The following CAPN5 variants were observed in gnomAD, a reference collection of about 807,000 sequenced individuals.
The protein encoded by CAPN5 is calpain 5.
Under a neutral mutation model 73.0 loss-of-function variants are expected in CAPN5, and 54 were observed. The observed-to-expected ratio is 0.74, with a 90% CI of 0.59 to 0.93. The LOEUF is 0.93. CAPN5 is among the 40% of genes least tolerant of loss of function. CAPN5 has a pLI of 0.00. For missense variants in CAPN5, 785 were observed against 882.9 expected, an observed-to-expected ratio of 0.89 and a Z score of 1.41; for synonymous variants, 335 against 356.9, an observed-to-expected ratio of 0.94 and a Z score of 0.69.
rs921115527 is a variant in CAPN5 at position 77,125,683 on chromosome 11, G to A, written c.*1813G>A. On this transcript the variant is annotated 3_prime_UTR_variant, in exon 13 of 13. Transcript: ENST00000648180. ...CTTCTCGATGTCTATTTCAAATCAA[G>A]GCTCCTGAGTAGGGGGTGAAGTGAG... 14 of 150,912 alleles carry A rather than the reference G, an allele frequency of 9.3e-5. No homozygotes were observed. Among genetic ancestry groups the A allele is most frequent in the African/African-American group, 3.4e-4 (14 of 40,812 alleles). 9.3% of individuals were successfully genotyped at this position (150,912 alleles called of 1,614,324 possible).
chr11:77,087,949 G>C, intron 2 of CAPN5: 2 of 1,536,074 alleles, frequency 1.3e-6, no homozygotes, highest in Non-Finnish European at 1.7e-6. Flanking sequence ...CAGTACAGTG[G>C]CCATTCGCTG....
Position 77,118,304 on chromosome 11 carries a change from C to T in CAPN5, c.1119C>T (p.Arg373=), listed in dbSNP as rs776483406. The change falls in exon 8 of 13, where the codon CGC becomes CGT. Residue 373 remains arginine, a synonymous_variant. Transcript: ENST00000648180. ...TGCATGAGGACCCGCGACAGAACCGCGGTGGCGGCTGCATCAACCACAAGG... is the reference window on the plus strand; with the variant it reads ...TGCATGAGGACCCGCGACAGAACCGTGGTGGCGGCTGCATCAACCACAAGG... The part of the protein sequence containing the change: ...WTLHEDPRQN[R]GGGCINHKDT... 2.5e-5 allele frequency: 40 copies of T among 1,611,176 alleles called. No homozygotes were observed. Among genetic ancestry groups the T allele is most frequent in the African/African-American group, 5.3e-5 (4 of 74,890 alleles).
chr11:77,101,982 G>T (rs1950289710), intron 3 of CAPN5, among the ~76,000 whole-genome samples: 1 of 152,242 alleles, frequency 6.6e-6, no homozygotes, highest in Non-Finnish European at 1.5e-5. Context: ...CTGCGGCACA[G>T]CCAGCCATCA....
chr11:77,067,926 T>C (rs1206986998), intron 1 of CAPN5, among the ~76,000 whole-genome samples: 1 of 152,082 alleles, frequency 6.6e-6, no homozygotes, highest in Admixed American at 6.5e-5. Flanking sequence ...CCTCTCAGGA[T>C]TGCTGAGCCA....
intron 3 of CAPN5, among the ~76,000 whole-genome samples, chr11:77,098,280 G>A (rs1950236698): frequency 2.0e-5 from 2 of 99,412 alleles, no homozygotes; most frequent in African/African-American, 8.6e-5. Flanking sequence ...GCGGGGGGCT[G>A]ACCCCCCCAC....
intron 4 of CAPN5, 28 bp downstream of exon 4, chr11:77,112,825 G>A: frequency 1.2e-6 from 2 of 1,608,076 alleles, no homozygotes; most frequent in South Asian, 1.1e-5. Flanking sequence ...GCAGGTGGGT[G>A]GGAGGCCCAG....
chr11:77,121,048 C>G, intron 10 of CAPN5, 139 bp downstream of exon 10: 1 of 719,648 alleles, frequency 1.4e-6, no homozygotes, highest in Middle Eastern at 2.6e-4. Context: ...CCATCTCCTT[C>G]CCTTCTCTTC....
intron 2 of CAPN5, among the ~76,000 whole-genome samples, chr11:77,090,523 C>T (rs920106020): frequency 1.3e-5 from 2 of 152,196 alleles, no homozygotes; most frequent in Admixed American, 6.5e-5. Flanking sequence ...CCATCGGATC[C>T]GTCCACTTAC....
chr11:77,075,272 C>A (rs1949957331), intron 1 of CAPN5, among the ~76,000 whole-genome samples: 1 of 152,124 alleles, frequency 6.6e-6, no homozygotes, highest in Admixed American at 6.5e-5. Flanking sequence ...TAGGGATGGT[C>A]TCTGGCTGGC....
At chr11:77,081,648 G>C (rs1392746344) in intron 1 of CAPN5, among the ~76,000 whole-genome samples, 1 of 152,194 alleles carries the variant, frequency 6.6e-6, no homozygotes, top group African/African-American at 2.4e-5. Flanking sequence ...GCAGACCAGT[G>C]AGGTAATGCG....
In CAPN5 at chr11:77,093,440, A is replaced by G. The variant is rs76998372; in HGVS notation, c.166-242A>G. On this transcript the variant is annotated intron_variant, in intron 2 of 12. Coordinates refer to ENST00000648180, the MANE Select transcript of CAPN5 (RefSeq NM_004055.5). Reference sequence around the variant, plus strand: ...TCTTCATCAGCAAACCTTTAGCGGAAGAGCACTCTCTGGCCAGGAAGGGGA... The same window carrying G: ...TCTTCATCAGCAAACCTTTAGCGGAGGAGCACTCTCTGGCCAGGAAGGGGA... 5.9e-4 allele frequency among the ~76,000 whole-genome samples: 90 copies of G among 152,314 alleles called. No individual in the cohort carries two copies. In the East Asian group the frequency reaches 0.015, roughly 25 times the overall value.
chr11:77,083,776 G>T (rs1229025307), intron 1 of CAPN5, among the ~76,000 whole-genome samples: 1 of 152,158 alleles, frequency 6.6e-6, no homozygotes, highest in Non-Finnish European at 1.5e-5. Context: ...TGAGAAAACG[G>T]GCTCAGAGAG....
intron 3 of CAPN5, among the ~76,000 whole-genome samples, chr11:77,109,088 T>A (rs782260882): frequency 2.0e-5 from 3 of 152,208 alleles, no homozygotes; most frequent in Admixed American, 6.5e-5. Context: ...AGGAACAATT[T>A]TTTTCTTTCT....
chr11:77,103,567 A>G (rs964621386), intron 3 of CAPN5, among the ~76,000 whole-genome samples: 1 of 152,196 alleles, frequency 6.6e-6, no homozygotes, highest in Non-Finnish European at 1.5e-5. Context: ...TGGCTGCTGC[A>G]TTGCTATAGA....
intron 11 of CAPN5, 115 bp downstream of exon 11, chr11:77,122,164 T>A (rs1401109853): frequency 6.5e-6 from 4 of 614,624 alleles, no homozygotes; most frequent in Non-Finnish European, 1.1e-5. Context: ...ACTGCAGGCC[T>A]GGCCATTTCT....
intron 2 of CAPN5, among the ~76,000 whole-genome samples, chr11:77,092,503 C>T (rs1222825714): frequency 6.6e-6 from 1 of 152,232 alleles, no homozygotes; most frequent in Admixed American, 6.5e-5. Flanking sequence ...ACTGGAGCCC[C>T]CCTGGGCTGC....
chr11:77,104,802 G>C (rs1268385771), intron 3 of CAPN5, among the ~76,000 whole-genome samples: 4 of 152,254 alleles, frequency 2.6e-5, no homozygotes, highest in Non-Finnish European at 5.9e-5. Context: ...CTCTGGAACA[G>C]ATGCACTGAG....
chr11:77,084,250 C>T (rs560841727), intron 1 of CAPN5, among the ~76,000 whole-genome samples: 17 of 152,326 alleles, frequency 1.1e-4, no homozygotes, highest in Admixed American at 2.6e-4. Flanking sequence ...CCCACCTGGG[C>T]CCCTGGGGAA....
intron 3 of CAPN5, among the ~76,000 whole-genome samples, chr11:77,102,184 G>A (rs186407134): frequency 1.2e-3 from 190 of 152,290 alleles, no homozygotes; most frequent in African/African-American, 4.2e-3. Context: ...TGAGAACCAC[G>A]GGTCTGGGTG....
Sources: gnomAD v4.1 joint callset for allele counts (sites outside exome capture counted in the v4.1 genomes callset) on GRCh38, gnomAD v4.1.1 for gene constraint, MANE v1.5 for transcripts, NCBI Gene and HGNC (gene_info 2026-07-23, HGNC 2026-07-21) for gene names.